KCNU1: variants seen among roughly 807,000 people sequenced by gnomAD.
KCNU1 encodes the protein potassium channel subfamily U member 1.
In KCNU1, 93 loss-of-function variants were observed where a neutral mutation model predicts 126.8. The ratio of observed to expected loss-of-function variants is 0.73; its 90% CI spans 0.62 to 0.87. KCNU1 has a LOEUF of 0.87. Ranked by LOEUF, KCNU1 falls within the 40% of genes least tolerant of loss-of-function variation. The pLI is 0.00. For missense variants in KCNU1, 1,330 were observed against 1,367.1 expected, an observed-to-expected ratio of 0.97 and a Z score of 0.43; for synonymous variants, 523 against 494.2, an observed-to-expected ratio of 1.06 and a Z score of -0.77.
At chr8:36,835,002 G>A (rs1489388647) in intron 12 of KCNU1, 134 bp downstream of exon 12, 2 of 626,160 alleles carry the variant, frequency 3.2e-6, no homozygotes, top group Non-Finnish European at 2.8e-6. Flanking sequence ...CCAAGGTTCT[G>A]CCTACTTTTT....
intron 3 of KCNU1, among the ~76,000 whole-genome samples, chr8:36,804,932 A>T (rs1803441915): frequency 6.6e-6 from 1 of 152,196 alleles, no homozygotes; most frequent in African/African-American, 2.4e-5. Context: ...CCATTGTTAA[A>T]ATGGAAATAG....
chr8:36,884,866 A>C (rs1319687885), intron 19 of KCNU1, among the ~76,000 whole-genome samples: 1 of 152,240 alleles, frequency 6.6e-6, no homozygotes, highest in Non-Finnish European at 1.5e-5. Context: ...TTGAATTTCC[A>C]GTTTTAACTC....
At chr8:36,834,699 C>T in intron 11 of KCNU1, 87 bp from the exon 12 acceptor site, 1 of 764,912 alleles carries the variant, frequency 1.3e-6, no homozygotes, top group Non-Finnish European at 2.2e-6. Context: ...AATTTTATTA[C>T]AAAATTGTTA....
chr8:36,824,285 G>T (rs1301189715), intron 10 of KCNU1, among the ~76,000 whole-genome samples: 1 of 152,128 alleles, frequency 6.6e-6, no homozygotes, highest in African/African-American at 2.4e-5. Flanking sequence ...CACAATTTCA[G>T]TTACATATGG....
At chr8:36,828,909 C>G (rs1477578964) in intron 10 of KCNU1, among the ~76,000 whole-genome samples, 1 of 152,064 alleles carries the variant, frequency 6.6e-6, no homozygotes, top group Non-Finnish European at 1.5e-5. Flanking sequence ...TATATACATA[C>G]ACATTCTTTC....
intron 2 of KCNU1, among the ~76,000 whole-genome samples, chr8:36,799,286 G>T (rs574327545): frequency 6.6e-6 from 1 of 151,984 alleles, no homozygotes; most frequent in East Asian, 1.9e-4. Flanking sequence ...ATATAGAAAG[G>T]TATAGCGTAT....
intron 19 of KCNU1, among the ~76,000 whole-genome samples, chr8:36,882,914 C>A (rs1806541774): frequency 1.3e-5 from 2 of 152,180 alleles, no homozygotes; most frequent in African/African-American, 4.8e-5. Context: ...AATATTGCAT[C>A]ATTCTATAAA....
In KCNU1 at chr8:36,860,659, C is replaced by T. The variant is rs78050051; in HGVS notation, c.1892-3745C>T. Among the ~76,000 whole-genome samples, 592 of 152,224 alleles carry T rather than the reference C, an allele frequency of 3.9e-3. 24 individuals carry two copies. In the East Asian group the frequency reaches 0.094, roughly 24 times the overall value. On this transcript the variant is annotated intron_variant, in intron 18 of 26. Coordinates refer to ENST00000399881, the MANE Select transcript of KCNU1 (RefSeq NM_001031836.3). The stretch of plus-strand genomic sequence containing the variant: ...GAGGGAATGGGCAATATGAAAATAG[C>T]CCTTAGGAAAGTTGTGCCCAAATTC...
At chr8:36,836,737 G>A in intron 13 of KCNU1, 56 bp from the exon 14 acceptor site, 1 of 1,451,978 alleles carries the variant, frequency 6.9e-7, no homozygotes, top group Non-Finnish European at 9.6e-7. Flanking sequence ...ATCCTCAAGA[G>A]CTTTCTTGAG....
chr8:36,840,441 G>A, intron 14 of KCNU1, 22 bp from the exon 15 acceptor site: 2 of 1,170,610 alleles, frequency 1.7e-6, no homozygotes, highest in Non-Finnish European at 2.6e-6. Flanking sequence ...TTTGCTTCGT[G>A]TGGCATGATT....
chr8:36,866,055 G>C (rs189781253), intron 19 of KCNU1, among the ~76,000 whole-genome samples: 2 of 152,160 alleles, frequency 1.3e-5, no homozygotes, highest in African/African-American at 4.8e-5. Context: ...TTGGTCAAAA[G>C]GTACCAAGGA....
chr8:36,822,892 T>C (rs1428503784), intron 10 of KCNU1, among the ~76,000 whole-genome samples: 2 of 152,200 alleles, frequency 1.3e-5, no homozygotes, highest in Admixed American at 6.6e-5. Flanking sequence ...ATGTGTCTTA[T>C]ACATTTTGTA....
chr8:36,854,178 T>A (rs1309258567), intron 18 of KCNU1, among the ~76,000 whole-genome samples: 1 of 152,212 alleles, frequency 6.6e-6, no homozygotes, highest in East Asian at 1.9e-4. Context: ...TTTTTGATTA[T>A]GACAGGTCTC....
chr8:36,923,369 G>A (rs571644604), intron 24 of KCNU1, among the ~76,000 whole-genome samples: 1 of 152,148 alleles, frequency 6.6e-6, no homozygotes, highest in Non-Finnish European at 1.5e-5. Context: ...CAATTAAAGG[G>A]CTAAGGAGAT....
At chr8:36,916,456 G>A (rs980399157) in intron 22 of KCNU1, among the ~76,000 whole-genome samples, 1 of 151,924 alleles carries the variant, frequency 6.6e-6, no homozygotes, top group African/African-American at 2.4e-5. Context: ...GGAACGAAAG[G>A]AGGGAAGGGA....
rs750293425 is a variant in KCNU1 at position 36,806,260 on chromosome 8, A to T, written c.469-9A>T. 10 of 1,579,362 alleles carry T rather than the reference A, an allele frequency of 6.3e-6. No homozygotes were observed. The African/African-American group carries it at 1.3e-4, about 21-fold the overall frequency. On this transcript the variant is annotated splice_polypyrimidine_tract_variant and intron_variant, in intron 4 of 26. Coordinates refer to ENST00000399881, the MANE Select transcript of KCNU1 (RefSeq NM_001031836.3). ...ACAGAATTTGTGTTATTCTGTTTCTATTTCATAGTTTATGGCAGCTGATGA... is the reference window on the plus strand; with the variant it reads ...ACAGAATTTGTGTTATTCTGTTTCTTTTTCATAGTTTATGGCAGCTGATGA...
At chr8:36,827,497 GTT>G (rs1804369408) in intron 10 of KCNU1, among the ~76,000 whole-genome samples, 1 of 152,096 alleles carries the variant, frequency 6.6e-6, no homozygotes, top group African/African-American at 2.4e-5. Context: ...CAACTCCCGA[GTT>G]ATTGATTTCT....
chr8:36,787,179 C>A, intron 1 of KCNU1, 127 bp from the exon 2 acceptor site: 2 of 770,226 alleles, frequency 2.6e-6, no homozygotes, highest in South Asian at 2.8e-5. Context: ...TTCAGGGTTC[C>A]CTGGTTTGGA....
chr8:36,807,500 A>C lies in KCNU1; in HGVS notation c.656+50A>C, dbSNP rs554283023. 3.9e-4 allele frequency: 520 copies of C among 1,321,574 alleles called. 5 individuals carry two copies. The South Asian group carries it at 5.5e-3, about 14-fold the overall frequency. The allele number at this position is 1,321,574 out of a possible 1,614,324, so 81.9% of individuals were successfully genotyped here. A position where few individuals can be genotyped will look rare whatever the true frequency, so the allele number is the denominator to read the frequency against. ...GCTTACTTATTAGTTTGGATTAGAA[A>C]ATGAATGTATTAACTGGACCCTAAA... is the stretch of plus-strand genomic sequence containing the variant. On this transcript the variant is annotated intron_variant, in intron 6 of 26. Transcript: ENST00000399881.
Sources: allele counts gnomAD v4.1 joint callset (sites outside exome capture counted in the v4.1 genomes callset), GRCh38; gene constraint gnomAD v4.1.1; transcripts MANE v1.5; gene names NCBI Gene and HGNC (gene_info 2026-07-23, HGNC 2026-07-21).